Variants in NEGR1 observed in about 807,000 individuals in gnomAD.
The protein encoded by NEGR1 is IgLON family member 4.
In NEGR1, 10 loss-of-function variants were observed where a neutral mutation model predicts 40.9. That is an observed-to-expected ratio of 0.24 (90% CI 0.15 to 0.42). NEGR1 has a LOEUF of 0.42. Ranked by LOEUF, NEGR1 falls within the 10% of genes least tolerant of loss-of-function variation. The pLI is 1.00. For synonymous variants in NEGR1, 185 were observed against 166.8 expected (o/e 1.11, Z -0.84); for missense variants, 352 against 438.9 (o/e 0.80, Z 1.77).
intron 3 of NEGR1, chr1:71,703,143 A>C (rs1653758568): frequency 6.6e-6 from 1 of 152,268 alleles, no homozygotes; most frequent in East Asian, 1.9e-4. Flanking sequence ...CAGACAAGGT[A>C]AAGAGACATT....
At chr1:71,686,122 A>C (rs1478843574) in intron 4 of NEGR1, among the ~76,000 whole-genome samples, 2 of 152,148 alleles carry the variant, frequency 1.3e-5, no homozygotes, top group African/African-American at 4.8e-5. Flanking sequence ...AAAATCCATT[A>C]TCTCTCTACT....
intron 6 of NEGR1, among the ~76,000 whole-genome samples, chr1:71,524,315 AGTGTGTGTGTGTGTGT>A (rs60790381): frequency 2.1e-5 from 3 of 140,566 alleles, no homozygotes; most frequent in Non-Finnish European, 4.7e-5. Flanking sequence ...TTTAAATAGG[AGTGTGTGTGTGTGTGT>A]GTGTGTGTGT....
chr1:71,552,284 C>T (rs1269322601), intron 6 of NEGR1, among the ~76,000 whole-genome samples: 1 of 150,588 alleles, frequency 6.6e-6, no homozygotes, highest in African/African-American at 2.4e-5. Flanking sequence ...ATTTTTCATC[C>T]ACTGATTCTC....
chr1:71,912,667 C>T (rs974018782), intron 2 of NEGR1, among the ~76,000 whole-genome samples: 1 of 152,054 alleles, frequency 6.6e-6, no homozygotes, highest in African/African-American at 2.4e-5. Context: ...TATTGCAGAT[C>T]ATTTTTTGGA....
At chr1:72,096,918 G>C (rs966989556) in intron 1 of NEGR1, among the ~76,000 whole-genome samples, 12 of 152,082 alleles carry the variant, frequency 7.9e-5, no homozygotes, top group Non-Finnish European at 1.8e-4. Flanking sequence ...TTCTGAACTT[G>C]TGGTCTGCCT....
intron 4 of NEGR1, among the ~76,000 whole-genome samples, chr1:71,611,859 GAA>G (rs756345949): frequency 9.9e-5 from 15 of 152,160 alleles, no homozygotes; most frequent in Admixed American, 8.5e-4. Context: ...GCTCTAGCTG[GAA>G]AAAGTTTCCC....
intron 6 of NEGR1, among the ~76,000 whole-genome samples, chr1:71,473,653 T>G (rs1024962617): frequency 7.9e-5 from 12 of 152,204 alleles, no homozygotes; most frequent in African/African-American, 2.6e-4. Context: ...TTTTGTAGGA[T>G]ATATTTGTTG....
chr1:72,049,175 A>G (rs1647033012), intron 1 of NEGR1, among the ~76,000 whole-genome samples: 1 of 151,338 alleles, frequency 6.6e-6, no homozygotes, highest in African/African-American at 2.4e-5. Context: ...AAAAATAAAT[A>G]ATAATAATGC....
intron 2 of NEGR1, among the ~76,000 whole-genome samples, chr1:71,905,864 CAAAAAA>C (rs34891986): frequency 9.4e-6 from 1 of 106,662 alleles, no homozygotes; most frequent in Non-Finnish European, 1.9e-5. Context: ...GAGGTTGTTA[CAAAAAA>C]AAAAAAAAAA....
chr1:72,078,138 T>A (rs1647831248), intron 1 of NEGR1, among the ~76,000 whole-genome samples: 1 of 152,122 alleles, frequency 6.6e-6, no homozygotes, highest in Non-Finnish European at 1.5e-5. Context: ...CATAATCAAC[T>A]AGTAGTACTA....
chr1:71,645,441 C>G (rs1183659528), intron 4 of NEGR1, among the ~76,000 whole-genome samples: 29 of 151,876 alleles, frequency 1.9e-4, no homozygotes, highest in Admixed American at 1.9e-3. Context: ...TGCTATTTAT[C>G]AGATACCAAC....
intron 6 of NEGR1, among the ~76,000 whole-genome samples, chr1:71,540,285 G>A (rs1346417168): frequency 6.6e-6 from 1 of 151,710 alleles, no homozygotes; most frequent in Admixed American, 6.6e-5. Context: ...AAGGGAATGT[G>A]GTCAAGGATA....
intron 6 of NEGR1, among the ~76,000 whole-genome samples, chr1:71,483,390 G>A (rs894026313): frequency 2.6e-5 from 4 of 151,674 alleles, no homozygotes; most frequent in Non-Finnish European, 5.9e-5. Flanking sequence ...GGAATAGAGT[G>A]TATGAGGGCA....
At chr1:71,937,587 A>G (rs543213451) in intron 1 of NEGR1, among the ~76,000 whole-genome samples, 2 of 152,346 alleles carry the variant, frequency 1.3e-5, no homozygotes, top group East Asian at 3.9e-4. Context: ...AAGCCACGAT[A>G]TTAGTGGGTG....
chr1:72,203,843 A>C (rs1653300410), intron 1 of NEGR1, among the ~76,000 whole-genome samples: 1 of 152,132 alleles, frequency 6.6e-6, no homozygotes, highest in African/African-American at 2.4e-5. Context: ...CAGAAAAACG[A>C]TTATGACTTA....
chr1:72,174,758 A>AC (rs1183473837), intron 1 of NEGR1, among the ~76,000 whole-genome samples: 4 of 142,012 alleles, frequency 2.8e-5, no homozygotes, highest in African/African-American at 1.2e-4. Context: ...TTATAAAATT[A>AC]AAAAAAATTT....
At chr1:72,197,219 T>A (rs1179938648) in intron 1 of NEGR1, among the ~76,000 whole-genome samples, 1 of 152,000 alleles carries the variant, frequency 6.6e-6, no homozygotes, top group Non-Finnish European at 1.5e-5. Context: ...TTAATTTTAA[T>A]CACTACAGTG....
At chr1:71,987,590 A>C (rs761878214) in intron 1 of NEGR1, among the ~76,000 whole-genome samples, 6 of 152,180 alleles carry the variant, frequency 3.9e-5, no homozygotes, top group Non-Finnish European at 8.8e-5. Flanking sequence ...TCAATGATCC[A>C]ATTTATTTGA....
intron 1 of NEGR1, among the ~76,000 whole-genome samples, chr1:72,083,181 T>A (rs891133287): frequency 2.0e-5 from 3 of 152,102 alleles, no homozygotes; most frequent in African/African-American, 7.2e-5. Flanking sequence ...TATTAACTGA[T>A]AAGGAAGAAA....
Sources: allele counts gnomAD v4.1 joint callset (sites outside exome capture counted in the v4.1 genomes callset), GRCh38; gene constraint gnomAD v4.1.1; transcripts MANE v1.5; gene names NCBI Gene and HGNC (gene_info 2026-07-23, HGNC 2026-07-21).